The following RBFOX1 variants were observed in gnomAD, a reference collection of about 807,000 sequenced individuals.
The protein encoded by RBFOX1 is RNA binding fox-1 homolog 1, also known as RNA binding protein fox-1 homolog 1.
RBFOX1 carries 8 observed loss-of-function variants against 57.7 expected under a neutral mutation model. The observed-to-expected ratio is 0.14, with a 90% CI of 0.08 to 0.25. The LOEUF is 0.25. RBFOX1 is among the 10% of genes least tolerant of loss of function. RBFOX1 has a pLI of 1.00. For missense variants in RBFOX1, 611 were observed against 548.5 expected (o/e 1.11, Z -1.14); for synonymous variants, 326 against 222.4 (o/e 1.47, Z -4.15).
chr16:7,040,444 ATAT>A (rs1399198662), intron 3 of RBFOX1, among the ~76,000 whole-genome samples: 1 of 152,216 alleles, frequency 6.6e-6, no homozygotes, highest in African/African-American at 2.4e-5. Context: ...CATTTAAATT[ATAT>A]TATTATTGCT....
chr16:6,856,124 CCCTTCCCTTTA>C (rs1217138599), intron 3 of RBFOX1, among the ~76,000 whole-genome samples: 2 of 151,810 alleles, frequency 1.3e-5, no homozygotes, highest in Admixed American at 6.6e-5. Flanking sequence ...CCCTTTCCTT[CCCTTCCCTTTA>C]CCTTCCCTTC....
At chr16:5,327,780 A>G (rs544031152) in intron 1 of RBFOX1, among the ~76,000 whole-genome samples, 28 of 152,344 alleles carry the variant, frequency 1.8e-4, no homozygotes, top group Non-Finnish European at 3.2e-4. Flanking sequence ...AAAATGAATT[A>G]CACAAAGATA....
chr16:6,427,647 G>C (rs75321702), intron 2 of RBFOX1, among the ~76,000 whole-genome samples: 1 of 152,044 alleles, frequency 6.6e-6, no homozygotes, highest in African/African-American at 2.4e-5. Flanking sequence ...ATTATTTTTT[G>C]CAAACAATTG....
intron 2 of RBFOX1, among the ~76,000 whole-genome samples, chr16:6,486,502 A>C (rs1024205007): frequency 6.6e-6 from 1 of 152,162 alleles, no homozygotes; most frequent in African/African-American, 2.4e-5. Context: ...CACGTGTCTT[A>C]GTCTCAAAGT....
At chr16:6,297,420 G>T (rs1252349423) in intron 1 of RBFOX1, among the ~76,000 whole-genome samples, 1 of 151,396 alleles carries the variant, frequency 6.6e-6, no homozygotes, top group African/African-American at 2.4e-5. Context: ...TTTCACTGTG[G>T]CTTAAATCCC....
At chr16:7,468,262 C>T (rs1372621504) in intron 4 of RBFOX1, among the ~76,000 whole-genome samples, 2 of 152,270 alleles carry the variant, frequency 1.3e-5, no homozygotes, top group Non-Finnish European at 2.9e-5. Context: ...CCATTGGGAA[C>T]ACCCCAAAGA....
intron 4 of RBFOX1, among the ~76,000 whole-genome samples, chr16:7,495,937 T>C (rs971849296): frequency 6.6e-6 from 1 of 152,176 alleles, no homozygotes; most frequent in African/African-American, 2.4e-5. Flanking sequence ...TTCATTGAAG[T>C]TCCTCATTTA....
intron 1 of RBFOX1, among the ~76,000 whole-genome samples, chr16:5,361,684 G>A (rs775644553): frequency 4.6e-5 from 7 of 152,254 alleles, no homozygotes; most frequent in East Asian, 1.9e-4. Context: ...GATGGTTGCC[G>A]AGCAGTCAAC....
At chr16:6,381,935 T>A (rs1262263001) in intron 2 of RBFOX1, among the ~76,000 whole-genome samples, 1 of 152,178 alleles carries the variant, frequency 6.6e-6, no homozygotes, top group East Asian at 1.9e-4. Flanking sequence ...GTCCGGCTGG[T>A]CGATCATCCT....
At chr16:6,915,827 G>C (rs1205541745) in intron 3 of RBFOX1, among the ~76,000 whole-genome samples, 3 of 152,088 alleles carry the variant, frequency 2.0e-5, no homozygotes, top group African/African-American at 7.2e-5. Flanking sequence ...CCTGTAATTA[G>C]AGGTGTGAGC....
At chr16:6,543,789 AGT>A (rs1342404861) in intron 2 of RBFOX1, among the ~76,000 whole-genome samples, 1 of 152,094 alleles carries the variant, frequency 6.6e-6, no homozygotes, top group Non-Finnish European at 1.5e-5. Context: ...CGTTTTCTGA[AGT>A]GTCACTACAG....
chr16:6,637,310 T>TTATACGTTA (rs2098449240), intron 2 of RBFOX1, among the ~76,000 whole-genome samples: 18 of 50,832 alleles, frequency 3.5e-4, no homozygotes, highest in South Asian at 6.5e-4. Flanking sequence ...CAAATATATA[T>TTATACGTTA]TATATATTAT....
At position 5,785,897 on chromosome 16, in the gene RBFOX1, C is replaced by A. The variant is rs985942472; in HGVS notation, c.319-81406C>A. On this transcript the variant is annotated intron_variant, in intron 3 of 19. Transcript: ENST00000641259. ...ACTGTCATTACGTTAGACCACATCA[C>A]CTCAGCTGACATCACCTTGCTTGTG... Among the ~76,000 whole-genome samples the A allele has an allele frequency of 2.0e-5, 3 of 152,168 alleles. No homozygotes were observed. In the East Asian group the frequency reaches 5.8e-4, roughly 29 times the overall value.
At chr16:6,833,689 A>G (rs2092879214) in intron 3 of RBFOX1, among the ~76,000 whole-genome samples, 1 of 152,240 alleles carries the variant, frequency 6.6e-6, no homozygotes, top group Admixed American at 6.5e-5. Flanking sequence ...TGCCAAATAG[A>G]CATTTGTTGT....
intron 2 of RBFOX1, among the ~76,000 whole-genome samples, chr16:5,571,118 T>C (rs1415507773): frequency 6.6e-6 from 1 of 152,030 alleles, no homozygotes; most frequent in Admixed American, 6.6e-5. Flanking sequence ...CAGCCCTTCA[T>C]GTAATTCTAC....
chr16:6,688,205 G>A (rs1018472015), intron 3 of RBFOX1, among the ~76,000 whole-genome samples: 7 of 152,192 alleles, frequency 4.6e-5, no homozygotes, highest in African/African-American at 1.7e-4. Context: ...AGAAGCAGGC[G>A]TGTCTTAGGT....
At chr16:5,563,074 T>G (rs2045944584) in intron 2 of RBFOX1, among the ~76,000 whole-genome samples, 1 of 152,130 alleles carries the variant, frequency 6.6e-6, no homozygotes, top group South Asian at 2.1e-4. Context: ...TTCAGCCTCC[T>G]GAGTAGCTGG....
At chr16:6,261,602 C>G (rs2097701813) in intron 1 of RBFOX1, among the ~76,000 whole-genome samples, 1 of 152,204 alleles carries the variant, frequency 6.6e-6, no homozygotes, top group Non-Finnish European at 1.5e-5. Context: ...AGTTTCATCT[C>G]TGTAAATGTC....
chr16:5,723,026 G>C (rs183145853), intron 3 of RBFOX1, among the ~76,000 whole-genome samples: 129 of 152,294 alleles, frequency 8.5e-4, no homozygotes, highest in African/African-American at 3.0e-3. Flanking sequence ...CAGTTGTGGT[G>C]GTGCCACAAA....
Sources: gnomAD v4.1 joint callset for allele counts (sites outside exome capture counted in the v4.1 genomes callset) on GRCh38, gnomAD v4.1.1 for gene constraint, MANE v1.5 for transcripts, NCBI Gene and HGNC (gene_info 2026-07-23, HGNC 2026-07-21) for gene names.